WWOX: variants seen among roughly 807,000 people sequenced by gnomAD.
WWOX encodes WW domain-containing oxidoreductase.
A neutral mutation model predicts 46.2 loss-of-function variants in WWOX; 69 were observed. The ratio of observed to expected loss-of-function variants is 1.49; its 90% CI spans 1.23 to 1.82. The LOEUF is 1.82. WWOX is among the 40% of genes most tolerant of loss of function. The pLI, the probability that WWOX is intolerant of heterozygous loss-of-function variation, is 0.00. For synonymous variants in WWOX, 359 were observed against 202.6 expected (o/e 1.77, Z -6.56); for missense variants, 919 against 542.6 (o/e 1.69, Z -6.89).
intron 5 of WWOX, among the ~76,000 whole-genome samples, chr16:78,316,132 C>G (rs560120362): frequency 6.6e-6 from 1 of 152,134 alleles, no homozygotes; most frequent in South Asian, 2.1e-4. Flanking sequence ...GTGGTCCCAG[C>G]TACTTGGGAG....
intron 5 of WWOX, among the ~76,000 whole-genome samples, chr16:78,275,501 C>A (rs944489550): frequency 6.6e-6 from 1 of 152,222 alleles, no homozygotes; most frequent in Non-Finnish European, 1.5e-5. Flanking sequence ...TGCTGAGGAT[C>A]TCTTTGGCTT....
At chr16:78,106,561 C>T (rs1006494361) in intron 1 of WWOX, among the ~76,000 whole-genome samples, 1 of 151,842 alleles carries the variant, frequency 6.6e-6, no homozygotes, top group African/African-American at 2.4e-5. Context: ...GGATTACAGG[C>T]ATGTGCCACC....
chr16:78,393,028 C>G (rs540842310), intron 6 of WWOX, among the ~76,000 whole-genome samples: 2 of 152,238 alleles, frequency 1.3e-5, no homozygotes, highest in Admixed American at 6.5e-5. Context: ...CTGGAAAGTT[C>G]CAAACCAAAG....
chr16:78,524,571 C>G (rs993109238), intron 8 of WWOX, among the ~76,000 whole-genome samples: 5 of 151,830 alleles, frequency 3.3e-5, no homozygotes, highest in East Asian at 1.9e-4. Flanking sequence ...CAGTTGTGCA[C>G]CACCAGGCTC....
intron 8 of WWOX, among the ~76,000 whole-genome samples, chr16:79,197,161 C>G (rs148365905): frequency 1.1e-4 from 16 of 152,280 alleles, no homozygotes; most frequent in Non-Finnish European, 2.1e-4. Context: ...CTGTACCATT[C>G]TGTCCTTCAG....
chr16:79,136,885 G>C (rs896793796), intron 8 of WWOX, among the ~76,000 whole-genome samples: 1 of 152,196 alleles, frequency 6.6e-6, no homozygotes, highest in African/African-American at 2.4e-5. Context: ...ATGAAATTAT[G>C]TGTAAACTGT....
intron 4 of WWOX, among the ~76,000 whole-genome samples, chr16:78,126,403 T>TA (rs1308389679): frequency 6.6e-6 from 1 of 152,206 alleles, no homozygotes; most frequent in Non-Finnish European, 1.5e-5. Context: ...TTAGAATTTT[T>TA]AAAAAATATC....
rs11289222 is a variant in WWOX, at chr16:78,333,043, C to CTTTTTTTTTTTTTTTTTTTT, written c.517-53812_517-53793dup. 2.8e-3 allele frequency among the ~76,000 whole-genome samples: 160 copies of CTTTTTTTTTTTTTTTTTTTT among 57,114 alleles called. 36 individuals are homozygous for CTTTTTTTTTTTTTTTTTTTT. The highest frequency in any genetic ancestry group is 4.2e-3 in the Non-Finnish European group (111 of 26,256). 37.5% of individuals were successfully genotyped at this position (57,114 alleles called of 152,430 possible). ...CTGAGTAGCATGGAAGAGCATTATA[C>CTTTTTTTTTTTTTTTTTTTT]TTTTTTTTTTTTTTTTTTTTTTTTG... On this transcript the variant is annotated intron_variant, in intron 5 of 8. Transcript: ENST00000566780.
chr16:78,876,557 C>G (rs1031795495), intron 8 of WWOX, among the ~76,000 whole-genome samples: 3 of 151,478 alleles, frequency 2.0e-5, no homozygotes, highest in Non-Finnish European at 4.4e-5. Context: ...CCTTTCTTCT[C>G]TCTCCCAGTG....
intron 5 of WWOX, among the ~76,000 whole-genome samples, chr16:78,233,447 C>T (rs1053573029): frequency 2.0e-5 from 3 of 152,010 alleles, no homozygotes; most frequent in Non-Finnish European, 4.4e-5. Flanking sequence ...CTTTCAGCCT[C>T]CCTGGGTGTA....
intron 8 of WWOX, among the ~76,000 whole-genome samples, chr16:79,017,987 C>CA (rs1232719406): frequency 6.6e-6 from 1 of 152,072 alleles, no homozygotes; most frequent in Non-Finnish European, 1.5e-5. Flanking sequence ...CCACAGTATC[C>CA]AAAAAGGTTA....
chr16:79,077,937 C>T (rs12926028), intron 8 of WWOX: 57,936 of 151,954 alleles, frequency 0.38, 12,846 homozygotes, highest in Middle Eastern at 0.5. Flanking sequence ...TGGCACCCAT[C>T]CCTGACCCCT....
intron 6 of WWOX, among the ~76,000 whole-genome samples, chr16:78,420,867 A>T (rs1240374586): frequency 6.6e-6 from 1 of 152,164 alleles, no homozygotes; most frequent in Non-Finnish European, 1.5e-5. Flanking sequence ...AAATAGGAAA[A>T]AAAGTAATCC....
chr16:78,628,808 G>A (rs1288755793), intron 8 of WWOX, among the ~76,000 whole-genome samples: 2 of 152,158 alleles, frequency 1.3e-5, no homozygotes, highest in African/African-American at 2.4e-5. Flanking sequence ...TGATGCCGAC[G>A]ACTAGCCAGG....
At chr16:78,547,460 G>A (rs1003667249) in intron 8 of WWOX, among the ~76,000 whole-genome samples, 5 of 152,170 alleles carry the variant, frequency 3.3e-5, no homozygotes, top group African/African-American at 1.2e-4. Context: ...GCTGGCATTT[G>A]CCTAGTGTTG....
At chr16:78,820,071 C>T (rs151190899) in intron 8 of WWOX, among the ~76,000 whole-genome samples, 38 of 152,258 alleles carry the variant, frequency 2.5e-4, no homozygotes, top group East Asian at 1.3e-3. Flanking sequence ...GTACTGTCAT[C>T]GTTATCATTC....
chr16:78,506,994 G>C (rs886284018), intron 8 of WWOX, among the ~76,000 whole-genome samples: 1 of 152,100 alleles, frequency 6.6e-6, no homozygotes, highest in African/African-American at 2.4e-5. Context: ...GATCACAGGC[G>C]TGAGCCACCG....
intron 5 of WWOX, among the ~76,000 whole-genome samples, chr16:78,223,569 C>G (rs905428539): frequency 1.3e-5 from 2 of 152,080 alleles, no homozygotes; most frequent in Non-Finnish European, 2.9e-5. Context: ...GCAGGGGCTG[C>G]TGAATGATGT....
intron 8 of WWOX, among the ~76,000 whole-genome samples, chr16:78,845,158 C>G (rs1272933427): frequency 6.9e-6 from 1 of 145,790 alleles, no homozygotes; most frequent in African/African-American, 2.5e-5. Flanking sequence ...TAATCAAATA[C>G]CAAAGTACTT....
Sources: allele counts gnomAD v4.1 joint callset (sites outside exome capture counted in the v4.1 genomes callset), GRCh38; gene constraint gnomAD v4.1.1; transcripts MANE v1.5; gene names NCBI Gene and HGNC (gene_info 2026-07-23, HGNC 2026-07-21).